FGF18: variants seen among roughly 807,000 people sequenced by gnomAD.
FGF18 encodes fibroblast growth factor 18.
Under a neutral mutation model 23.0 loss-of-function variants are expected in FGF18, and 5 were observed. That is an observed-to-expected ratio of 0.22 (90% CI 0.11 to 0.46). The LOEUF is 0.46. Ranked by LOEUF, FGF18 falls within the 20% of genes least tolerant of loss-of-function variation. The pLI, the probability that FGF18 is intolerant of heterozygous loss-of-function variation, is 0.99. For missense variants in FGF18, 180 were observed against 291.6 expected, an observed-to-expected ratio of 0.62 and a Z score of 2.79; for synonymous variants, 117 against 118.9, an observed-to-expected ratio of 0.98 and a Z score of 0.10.
At chr5:171,423,422 C>G (rs1389091545) in intron 2 of FGF18, among the ~76,000 whole-genome samples, 1 of 152,236 alleles carries the variant, frequency 6.6e-6, no homozygotes, top group Non-Finnish European at 1.5e-5. Flanking sequence ...TCGGCCGGCA[C>G]CTGCCTGACA....
intron 4 of FGF18, among the ~76,000 whole-genome samples, chr5:171,449,523 A>C (rs1051728225): frequency 6.6e-6 from 1 of 151,672 alleles, no homozygotes. Flanking sequence ...TGAGGTATCC[A>C]TGGCTGTGTC....
intron 2 of FGF18, among the ~76,000 whole-genome samples, chr5:171,424,692 G>A (rs1772065236): frequency 6.6e-6 from 1 of 152,166 alleles, no homozygotes; most frequent in African/African-American, 2.4e-5. Flanking sequence ...GCCCAGGTAG[G>A]CGTCTCTGGG....
Position 171,440,381 on chromosome 5 carries a change from G to A in FGF18, c.250+4108G>A, listed in dbSNP as rs975511822. Among the ~76,000 whole-genome samples, 3 of 152,088 alleles carry A rather than the reference G, an allele frequency of 2.0e-5. No homozygotes were observed. The highest frequency in any genetic ancestry group is 6.6e-5 in the Admixed American group (1 of 15,262). On this transcript the variant is annotated intron_variant, in intron 3 of 4. Transcript: ENST00000274625. The surrounding 1 kb of genome is among the most constrained non-coding windows in gnomAD (Gnocchi z 4.0). ...ATGCAGGTAGAAGAGTCGTCCTCCC[G>A]TGATTCCCAGCAGCAAGGTCTCTGC...
chr5:171,426,552 A>T (rs1405014461), intron 2 of FGF18, among the ~76,000 whole-genome samples: 1 of 152,172 alleles, frequency 6.6e-6, no homozygotes, highest in Non-Finnish European at 1.5e-5. Flanking sequence ...GCTTGCTAGC[A>T]GTGTGTTTGC....
chr5:171,426,593 C>G (rs548957459), intron 2 of FGF18, among the ~76,000 whole-genome samples: 4 of 152,336 alleles, frequency 2.6e-5, no homozygotes, highest in African/African-American at 9.6e-5. Context: ...AGGCCTCAGG[C>G]CATTCAAAAT....
At position 171,454,499 on chromosome 5, in the gene FGF18, TG is replaced by T. The variant is rs1772555759; in HGVS notation, c.358-2037del. 7.9e-5 allele frequency among the ~76,000 whole-genome samples: 12 copies of T among 152,304 alleles called. 1 individual carries two copies. The South Asian group carries it at 2.5e-3, about 32-fold the overall frequency. ...TGCTCACGCCACCCATACTGTCCTC[TG>T]GGTCCCACGTGTGTGTCCCAGGTCT... On this transcript the variant is annotated intron_variant, in intron 4 of 4. Transcript: ENST00000274625.
rs898881969 is a variant in FGF18, at chr5:171,434,737, G to A, written c.70-1356G>A. On this transcript the variant is annotated intron_variant, in intron 2 of 4. Coordinates refer to ENST00000274625, the MANE Select transcript of FGF18 (RefSeq NM_003862.3). This position sits in a 1 kb window ranked among gnomAD's most constrained non-coding sequence, Gnocchi z 4.6. The stretch of plus-strand genomic sequence containing the variant: ...TTGTTTATGTATCCATTCAAGAAGC[G>A]TTTGAGTTTCTACCGTGTTAGGTGC... Among the ~76,000 whole-genome samples the A allele has an allele frequency of 5.3e-5, 8 of 151,616 alleles. No individual in the cohort carries two copies. Among genetic ancestry groups the A allele is most frequent in the East Asian group, 1.9e-4 (1 of 5,176 alleles).
In FGF18 at chr5:171,451,079, C is replaced by T. The variant is rs1772500064; in HGVS notation, c.357+1826C>T. ...CCCCCACCCCGCCGCCGGCCGCCTC[C>T]CGCCCGCGGGCGAGCCGCTGAGTCA... On this transcript the variant is annotated intron_variant, in intron 4 of 4. Coordinates refer to ENST00000274625, the MANE Select transcript of FGF18 (RefSeq NM_003862.3). This position sits in a 1 kb window ranked among gnomAD's most constrained non-coding sequence, Gnocchi z 4.5. 1.3e-5 allele frequency among the ~76,000 whole-genome samples: 2 copies of T among 151,520 alleles called. No individual in the cohort carries two copies. Among genetic ancestry groups the T allele is most frequent in the Admixed American group, 1.3e-4 (2 of 15,254 alleles).
chr5:171,422,996 C>T (rs1309431687), intron 2 of FGF18, among the ~76,000 whole-genome samples: 1 of 152,224 alleles, frequency 6.6e-6, no homozygotes, highest in African/African-American at 2.4e-5. Flanking sequence ...ATTGTGGCTG[C>T]TGGGAAATGG....
At position 171,420,199 on chromosome 5, in the gene FGF18, G is replaced by A. The variant is rs1421791560; in HGVS notation, c.-1G>A. 3.2e-6 allele frequency: 5 copies of A among 1,548,330 alleles called. No individual in the cohort carries two copies. Among genetic ancestry groups the A allele is most frequent in the East Asian group, 2.4e-5 (1 of 41,160 alleles). Reference sequence around the variant, plus strand: ...AGCCGCCGCCTCCCTCCCGCCCAGCGATGTATTCAGCGCCCTCCGCCTGCA... The same window carrying A: ...AGCCGCCGCCTCCCTCCCGCCCAGCAATGTATTCAGCGCCCTCCGCCTGCA... On this transcript the variant is annotated 5_prime_UTR_variant, in exon 1 of 5. Coordinates refer to ENST00000274625, the MANE Select transcript of FGF18 (RefSeq NM_003862.3).
chr5:171,454,777 G>A (rs1772558988), intron 4 of FGF18, among the ~76,000 whole-genome samples: 1 of 152,242 alleles, frequency 6.6e-6, no homozygotes, highest in Non-Finnish European at 1.5e-5. Flanking sequence ...CGTCCGTAAC[G>A]AGGAGTGGGC....
intron 4 of FGF18, among the ~76,000 whole-genome samples, chr5:171,450,219 AC>A (rs2113362607): frequency 6.6e-6 from 1 of 151,940 alleles, no homozygotes; most frequent in African/African-American, 2.4e-5. Flanking sequence ...GGGGGAGATG[AC>A]TTCAGTCTTG....
intron 2 of FGF18, among the ~76,000 whole-genome samples, chr5:171,421,239 A>G (rs889331488): frequency 1.3e-5 from 2 of 152,212 alleles, no homozygotes; most frequent in African/African-American, 4.8e-5. Context: ...AATGAAGGAA[A>G]AAGGGTTGGG....
chr5:171,448,326 C>T (rs1772447463), intron 3 of FGF18, among the ~76,000 whole-genome samples: 1 of 152,014 alleles, frequency 6.6e-6, no homozygotes, highest in Non-Finnish European at 1.5e-5. Flanking sequence ...CCTCCATGGA[C>T]GGCAGTGGAA....
At chr5:171,435,947 GA>G in intron 2 of FGF18, 145 bp from the exon 3 acceptor site, 1 of 566,572 alleles carries the variant, frequency 1.8e-6, no homozygotes, top group Non-Finnish European at 2.7e-6. Flanking sequence ...TGGGGGTAGT[GA>G]GGGGGTGGTT....
At chr5:171,431,402 C>A (rs551350388) in intron 2 of FGF18, among the ~76,000 whole-genome samples, 1 of 152,096 alleles carries the variant, frequency 6.6e-6, no homozygotes, top group Non-Finnish European at 1.5e-5. Context: ...AGGATGAGAC[C>A]GAAGGCAGAA....
chr5:171,455,737 C>G (rs1772571427), intron 4 of FGF18, among the ~76,000 whole-genome samples: 1 of 152,208 alleles, frequency 6.6e-6, no homozygotes. Flanking sequence ...TAGAAAAGGT[C>G]TCAAGGAACA....
Position 171,456,890 on chromosome 5 carries a change from A to T in FGF18, c.*85A>T. The stretch of plus-strand genomic sequence containing the variant: ...ATCAGAGGAATATTTTTACATGAAA[A>T]ATAAGGAAGAAGCTCTATTTTTGTA... On this transcript the variant is annotated 3_prime_UTR_variant, in exon 5 of 5. Transcript: ENST00000274625. This position sits in a 1 kb window ranked among gnomAD's most constrained non-coding sequence, Gnocchi z 6.1. 3.4e-6 allele frequency: 5 copies of T among 1,459,726 alleles called. No individual in the cohort carries two copies. The highest frequency in any genetic ancestry group is 4.6e-6 in the Non-Finnish European group (5 of 1,087,908). 90.4% of individuals were successfully genotyped at this position (1,459,726 alleles called of 1,614,324 possible). A position where few individuals can be genotyped will look rare whatever the true frequency, so the allele number is the denominator to read the frequency against.
At chr5:171,445,534 G>GT (rs140690032) in intron 3 of FGF18, among the ~76,000 whole-genome samples, 23,731 of 146,432 alleles carry the variant, frequency 0.16, 2,099 homozygotes, top group South Asian at 0.32. Flanking sequence ...AATTTTTGTG[G>GT]TTTTTTTTTT....
Sources: allele counts gnomAD v4.1 joint callset (sites outside exome capture counted in the v4.1 genomes callset), GRCh38; gene constraint gnomAD v4.1.1; non-coding constraint Gnocchi (gnomAD v3.1); transcripts MANE v1.5; gene names NCBI Gene and HGNC (gene_info 2026-07-23, HGNC 2026-07-21).